The following ANK2 variants were observed in gnomAD, a reference collection of about 807,000 sequenced individuals.
ANK2 encodes the protein ankyrin 2, also known as ankyrin-2.
Under a neutral mutation model 360.5 loss-of-function variants are expected in ANK2, and 83 were observed. The observed-to-expected ratio is 0.23, with a 90% CI of 0.19 to 0.28. The LOEUF (loss-of-function observed/expected upper bound fraction) is 0.28. Ranked by LOEUF, ANK2 falls within the 10% of genes least tolerant of loss-of-function variation. The pLI is 1.00. For synonymous variants in ANK2, 1,740 were observed against 1,759.5 expected, an observed-to-expected ratio of 0.99 and a Z score of 0.28; for missense variants, 4,201 against 4,795.7, an observed-to-expected ratio of 0.88 and a Z score of 3.66.
chr4:112,733,273 T>TG, the ANK2 span, among the ~76,000 whole-genome samples: 1 of 152,128 alleles, frequency 6.6e-6, no homozygotes, highest in Admixed American at 6.6e-5. Flanking sequence ...TATATCTCCC[T>TG]GAGACTTGGA....
At chr4:112,889,890 G>A (rs2079472841) in intron 1 of ANK2, among the ~76,000 whole-genome samples, 2 of 152,190 alleles carry the variant, frequency 1.3e-5, no homozygotes, top group African/African-American at 4.8e-5. Flanking sequence ...AGGACTCAGG[G>A]TTGCAGAGGT....
At chr4:113,147,224 G>T (rs752466395) in intron 1 of ANK2, among the ~76,000 whole-genome samples, 1 of 152,120 alleles carries the variant, frequency 6.6e-6, no homozygotes, top group Non-Finnish European at 1.5e-5. Context: ...ATCACCCACC[G>T]TTAACAACCG....
chr4:113,358,485 T>C lies in ANK2; in HGVS notation c.9867T>C (p.Thr3289=), dbSNP rs1244240220. 6.2e-7 allele frequency: 1 copy of C among 1,613,988 alleles called. No individual in the cohort carries two copies. The highest frequency in any genetic ancestry group is 1.1e-5 in the South Asian group (1 of 91,092). Residue 3289 remains threonine, a synonymous_variant, in exon 38 of 46, where the codon ACT becomes ACC. Transcript: ENST00000357077. The part of the protein sequence containing the change: ...EEQKSVIEIP[T]APMENVPFTE... ...AGAAATCAGTAATCGAGATTCCTACTGCACCCATGGAGAATGTGCCTTTTA... is the reference window on the plus strand; with the variant it reads ...AGAAATCAGTAATCGAGATTCCTACCGCACCCATGGAGAATGTGCCTTTTA...
chr4:112,734,614 G>A, the ANK2 span, among the ~76,000 whole-genome samples: 1 of 152,076 alleles, frequency 6.6e-6, no homozygotes, highest in African/African-American at 2.4e-5. Flanking sequence ...TTTTTCTTTC[G>A]GGATTTCAAG....
At chr4:113,059,899 G>A (rs540083988) in intron 1 of ANK2, among the ~76,000 whole-genome samples, 5 of 152,068 alleles carry the variant, frequency 3.3e-5, no homozygotes, top group Non-Finnish European at 7.4e-5. Flanking sequence ...TATCCCATAA[G>A]AGCCAGTTAT....
chr4:113,276,743 G>A (rs969258077), intron 15 of ANK2, among the ~76,000 whole-genome samples: 20 of 152,246 alleles, frequency 1.3e-4, no homozygotes, highest in Middle Eastern at 3.4e-3. Context: ...AAAGAAAAAC[G>A]TCATCTCATT....
chr4:112,861,520 T>C (rs1195877281), intron 1 of ANK2, among the ~76,000 whole-genome samples: 1 of 152,196 alleles, frequency 6.6e-6, no homozygotes, highest in Admixed American at 6.5e-5. Context: ...ACACAGACTT[T>C]GGAGTAAATA....
chr4:113,198,975 AC>A (rs2098791539), intron 3 of ANK2, 35 bp from the exon 4 acceptor site: 1 of 1,555,154 alleles, frequency 6.4e-7, no homozygotes, highest in Non-Finnish European at 8.9e-7. Context: ...AAATTCAGAA[AC>A]CTTGAACATT....
At chr4:112,712,725 T>C in the ANK2 span, among the ~76,000 whole-genome samples, 1 of 152,156 alleles carries the variant, frequency 6.6e-6, no homozygotes, top group Non-Finnish European at 1.5e-5. Context: ...ATATTTTTAA[T>C]TTTTATTTTA....
At chr4:113,088,093 C>T (rs540976267) in intron 1 of ANK2, among the ~76,000 whole-genome samples, 1 of 152,036 alleles carries the variant, frequency 6.6e-6, no homozygotes, top group African/African-American at 2.4e-5. Context: ...ATAATCAATC[C>T]ATAAGTGTTA....
intron 2 of ANK2, among the ~76,000 whole-genome samples, chr4:113,185,630 A>G (rs1194438257): frequency 6.6e-6 from 1 of 152,122 alleles, no homozygotes; most frequent in Non-Finnish European, 1.5e-5. Context: ...AGATGAACAG[A>G]TTGCAAATTA....
intron 2 of ANK2, among the ~76,000 whole-genome samples, chr4:113,188,579 T>G (rs1663208913): frequency 6.6e-6 from 1 of 152,126 alleles, no homozygotes; most frequent in Non-Finnish European, 1.5e-5. Flanking sequence ...AGAAGCATGA[T>G]CAAGAACAAA....
At chr4:113,264,854 C>T (rs746158842) in intron 13 of ANK2, 43 bp from the exon 14 acceptor site, 13 of 1,532,250 alleles carry the variant, frequency 8.5e-6, no homozygotes, top group African/African-American at 5.5e-5. Context: ...CCATCCAGAG[C>T]GGTGGGTTAA....
chr4:112,947,259 G>A (rs1340845982), intron 2 of ANK2, among the ~76,000 whole-genome samples: 1 of 152,156 alleles, frequency 6.6e-6, no homozygotes, highest in Non-Finnish European at 1.5e-5. Flanking sequence ...ATTAAGAGAT[G>A]ACTTATGACC....
intron 1 of ANK2, among the ~76,000 whole-genome samples, chr4:113,102,619 A>G (rs2093042686): frequency 6.6e-6 from 1 of 152,154 alleles, no homozygotes; most frequent in Admixed American, 6.5e-5. Flanking sequence ...AACAGGAGAA[A>G]GTTGAGTGCC....
At chr4:113,278,338 T>C (rs1322067711) in intron 16 of ANK2, 122 bp from the exon 17 acceptor site, 3 of 821,318 alleles carry the variant, frequency 3.7e-6, no homozygotes, top group Non-Finnish European at 2.0e-6. Flanking sequence ...CGTTCTTTTT[T>C]CTATTGACTA....
chr4:113,202,164 A>G lies in ANK2; in HGVS notation c.384+3055A>G, dbSNP rs541668438. ...AAAGTATTATTACTTAGAATATTTT[A>G]TAATATAATGATTAAAATTAAAATA... is the stretch of plus-strand genomic sequence containing the variant. On this transcript the variant is annotated intron_variant, in intron 4 of 45. Coordinates refer to ENST00000357077, the MANE Select transcript of ANK2 (RefSeq NM_001148.6). Among the ~76,000 whole-genome samples the G allele has an allele frequency of 8.8e-4, 134 of 152,282 alleles. 1 individual carries two copies. Among genetic ancestry groups the G allele is most frequent in the Non-Finnish European group, 1.6e-3 (111 of 68,018 alleles).
intron 3 of ANK2, among the ~76,000 whole-genome samples, chr4:113,198,480 GA>G (rs899160055): frequency 6.6e-6 from 1 of 152,024 alleles, no homozygotes; most frequent in Non-Finnish European, 1.5e-5. Flanking sequence ...GCAAATGGTA[GA>G]AAATCATTGG....
At chr4:113,242,716 A>G (rs2040659231) in intron 9 of ANK2, among the ~76,000 whole-genome samples, 1 of 152,234 alleles carries the variant, frequency 6.6e-6, no homozygotes, top group African/African-American at 2.4e-5. Context: ...TTAGTATACT[A>G]TACCTTTATG....
Sources: gnomAD v4.1 joint callset for allele counts (sites outside exome capture counted in the v4.1 genomes callset) on GRCh38, gnomAD v4.1.1 for gene constraint, MANE v1.5 for transcripts, NCBI Gene and HGNC (gene_info 2026-07-23, HGNC 2026-07-21) for gene names.